LRRC7: variants seen among roughly 807,000 people sequenced by gnomAD.
The protein encoded by LRRC7 is leucine rich repeat containing 7.
Under a neutral mutation model 175.7 loss-of-function variants are expected in LRRC7, and 23 were observed. That is an observed-to-expected ratio of 0.13 (90% CI 0.09 to 0.19). LRRC7 has a LOEUF of 0.19. LRRC7 is among the 10% of genes least tolerant of loss of function. LRRC7 has a pLI of 1.00. For missense variants in LRRC7, 1,354 were observed against 1,904.7 expected, an observed-to-expected ratio of 0.71 and a Z score of 5.38; for synonymous variants, 685 against 680.9, an observed-to-expected ratio of 1.01 and a Z score of -0.09.
At chr1:69,632,827 G>C (rs556230677) in intron 1 of LRRC7, among the ~76,000 whole-genome samples, 146 of 152,138 alleles carry the variant, frequency 9.6e-4, no homozygotes, top group African/African-American at 3.3e-3. Context: ...CTACCATTTT[G>C]CTAAGTAGTT....
At chr1:69,629,563 A>G (rs9803870) in intron 1 of LRRC7, among the ~76,000 whole-genome samples, 47,376 of 151,864 alleles carry the variant, frequency 0.31, 8,000 homozygotes, top group East Asian at 0.59. Context: ...TCAAACACAC[A>G]GAGATTCTAG....
intron 1 of LRRC7, among the ~76,000 whole-genome samples, chr1:69,668,795 T>G (rs936478903): frequency 2.6e-5 from 4 of 152,216 alleles, no homozygotes; most frequent in South Asian, 2.1e-4. Flanking sequence ...CTCCACATCC[T>G]CTCCAGCATC....
chr1:70,075,938 T>C (rs1040277226), intron 23 of LRRC7, 139 bp from the exon 24 acceptor site: 2 of 804,486 alleles, frequency 2.5e-6, no homozygotes, highest in Non-Finnish European at 4.0e-6. Flanking sequence ...CCTTACTGTT[T>C]CTTCATTATC....
rs1294861155 is a variant in LRRC7, at chr1:70,136,063, CTGTGTGTGTGTCTGTG to C, written c.*14188_*14203del. Among the ~76,000 whole-genome samples the C allele has an allele frequency of 1.1e-4, 8 of 73,756 alleles. No individual in the cohort carries two copies. The highest frequency in any genetic ancestry group is 6.5e-4 in the South Asian group (1 of 1,538). The allele number at this position is 73,756 out of a possible 152,430, so 48.4% of individuals were successfully genotyped here. On this transcript the variant is annotated 3_prime_UTR_variant, in exon 27 of 27. Coordinates refer to ENST00000651989, the MANE Select transcript of LRRC7 (RefSeq NM_001370785.2). ...AATATCTCTCTCTCTCTGTGTGTGT[CTGTGTGTGTGTCTGTG>C]TGTGTGTGTGTGTGTGTGTCTATAT...
chr1:70,014,584 G>T (rs1656810715), intron 13 of LRRC7, among the ~76,000 whole-genome samples: 1 of 151,734 alleles, frequency 6.6e-6, no homozygotes, highest in South Asian at 2.1e-4. Context: ...ATCAAGCAGA[G>T]GTAAAAATCA....
chr1:70,087,384 A>G (rs2102160943), intron 24 of LRRC7, among the ~76,000 whole-genome samples: 1 of 152,334 alleles, frequency 6.6e-6, no homozygotes, highest in Admixed American at 6.5e-5. Flanking sequence ...TTCACATTAG[A>G]AAGATATAAC....
chr1:69,836,007 A>G (rs924195817), intron 6 of LRRC7, among the ~76,000 whole-genome samples: 10 of 152,012 alleles, frequency 6.6e-5, no homozygotes, highest in African/African-American at 2.4e-4. Context: ...TGCAAAAGAT[A>G]TATCTCAATA....
At chr1:70,051,260 A>G (rs1429855439) in intron 22 of LRRC7, among the ~76,000 whole-genome samples, 1 of 152,024 alleles carries the variant, frequency 6.6e-6, no homozygotes, top group Non-Finnish European at 1.5e-5. Context: ...CACTTCTTAA[A>G]AATCTACATT....
In LRRC7 at chr1:69,568,303, G is replaced by T; in HGVS notation, c.-337G>T. ...CACCGCCGCCGCCGCCGCCGCTGCT[G>T]CTGCGGTCGCTAGCGCGGCGCGCTG... On this transcript the variant is annotated 5_prime_UTR_variant, in exon 1 of 27. Coordinates refer to ENST00000651989, the MANE Select transcript of LRRC7 (RefSeq NM_001370785.2). 1 of 206,788 alleles carries T rather than the reference G, an allele frequency of 4.8e-6. No individual in the cohort carries two copies. The highest frequency in any genetic ancestry group is 9.4e-6 in the Non-Finnish European group (1 of 106,888). The allele number at this position is 206,788 out of a possible 1,614,324, so 12.8% of individuals were successfully genotyped here.
intron 8 of LRRC7, among the ~76,000 whole-genome samples, chr1:69,958,241 A>G (rs1380713965): frequency 1.3e-5 from 2 of 151,948 alleles, no homozygotes; most frequent in African/African-American, 4.8e-5. Flanking sequence ...CTAATTTGCT[A>G]TCTGCCCTTT....
Position 69,926,706 on chromosome 1 carries a change from C to A in LRRC7, c.648-4801C>A, listed in dbSNP as rs12030907. Among the ~76,000 whole-genome samples, 836 of 152,154 alleles carry A rather than the reference C, an allele frequency of 5.5e-3. 6 individuals are homozygous for A. Among genetic ancestry groups the A allele is most frequent in the African/African-American group, 0.019 (794 of 41,502 alleles). ...TATTTTGAGCCTATATATTTCTCTG[C>A]ACGTGAGATGGGTGTCCTGAATACA... On this transcript the variant is annotated intron_variant, in intron 7 of 26. Transcript: ENST00000651989.
At chr1:69,623,462 A>ACCATAAAC (rs1415438061) in intron 1 of LRRC7, among the ~76,000 whole-genome samples, 6 of 151,922 alleles carry the variant, frequency 3.9e-5, no homozygotes, top group African/African-American at 1.4e-4. Context: ...ACATAAACCT[A>ACCATAAAC]CCATAAACCT....
chr1:69,742,604 T>A (rs1387062085), intron 2 of LRRC7, among the ~76,000 whole-genome samples: 1 of 151,902 alleles, frequency 6.6e-6, no homozygotes, highest in East Asian at 1.9e-4. Flanking sequence ...TTTGAATACT[T>A]TGGGATATGA....
intron 7 of LRRC7, among the ~76,000 whole-genome samples, chr1:69,859,635 T>A (rs61782573): frequency 0.11 from 16,187 of 152,046 alleles, 2,084 homozygotes; most frequent in African/African-American, 0.31. Context: ...TAACAGGTGT[T>A]CATTAATCAC....
intron 4 of LRRC7, among the ~76,000 whole-genome samples, chr1:69,823,137 T>C (rs369836788): frequency 2.6e-5 from 4 of 152,202 alleles, no homozygotes; most frequent in African/African-American, 9.6e-5. Flanking sequence ...TAATCCTCGA[T>C]ATTCCTTGAA....
At chr1:69,839,705 G>A (rs1486666393) in intron 7 of LRRC7, among the ~76,000 whole-genome samples, 1 of 152,044 alleles carries the variant, frequency 6.6e-6, no homozygotes, top group Non-Finnish European at 1.5e-5. Context: ...GTATGCAGAG[G>A]AGAATCATTT....
At chr1:69,955,356 A>C (rs953011476) in intron 8 of LRRC7, among the ~76,000 whole-genome samples, 1 of 152,036 alleles carries the variant, frequency 6.6e-6, no homozygotes, top group African/African-American at 2.4e-5. Context: ...TCCTGAAGAA[A>C]TGATATTGCA....
chr1:69,720,897 G>T (rs577106976), intron 2 of LRRC7, among the ~76,000 whole-genome samples: 1 of 151,676 alleles, frequency 6.6e-6, no homozygotes. Context: ...TAAGTGTACA[G>T]TTCAGTGACA....
At chr1:70,012,082 A>G (rs1049155850) in intron 12 of LRRC7, among the ~76,000 whole-genome samples, 156 bp downstream of exon 12, 9 of 152,076 alleles carry the variant, frequency 5.9e-5, no homozygotes, top group African/African-American at 1.9e-4. Context: ...TCTATTTTAA[A>G]TGACAAGTTC....
Sources: allele counts gnomAD v4.1 joint callset (sites outside exome capture counted in the v4.1 genomes callset), GRCh38; gene constraint gnomAD v4.1.1; transcripts MANE v1.5; gene names NCBI Gene and HGNC (gene_info 2026-07-23, HGNC 2026-07-21).